The following OR4E2 variants were observed in gnomAD, a reference collection of about 807,000 sequenced individuals.
OR4E2 encodes the protein olfactory receptor family 4 subfamily E member 2, also known as olfactory receptor 4E2.
Under a neutral mutation model 11.0 loss-of-function variants are expected in OR4E2, and 9 were observed. The ratio of observed to expected loss-of-function variants is 0.82; its 90% CI spans 0.49 to 1.43. The LOEUF is 1.43. Ranked by LOEUF, OR4E2 falls within the 40% of genes most tolerant of loss-of-function variation. OR4E2 has a pLI of 0.00. For synonymous variants in OR4E2, 159 were observed against 147.3 expected, an observed-to-expected ratio of 1.08 and a Z score of -0.57; for missense variants, 441 against 382.0, an observed-to-expected ratio of 1.15 and a Z score of -1.29.
chr14:21,665,514 T>G lies in OR4E2; in HGVS notation c.432T>G (p.Leu144=). The change falls in exon 4 of 4, where the codon CTT becomes CTG. Residue 144 remains leucine, a synonymous_variant. Coordinates refer to ENST00000641524, the MANE Select transcript of OR4E2 (RefSeq NM_001001912.3). ...NVMNMRVCIQ[L]VFALWLGGTV... ...TGAACATGAGAGTCTGTATACAGCT[T>G]GTCTTTGCTCTCTGGTTGGGGGGTA... 1 of 1,614,192 alleles carries G rather than the reference T, an allele frequency of 6.2e-7. No homozygotes were observed. The highest frequency in any genetic ancestry group is 1.1e-5 in the South Asian group (1 of 91,080).
At chr14:21,663,294 A>C (rs1194932173) in intron 3 of OR4E2, among the ~76,000 whole-genome samples, 1 of 152,130 alleles carries the variant, frequency 6.6e-6, no homozygotes, top group Non-Finnish European at 1.5e-5. Flanking sequence ...CCTGGCTAAC[A>C]TGGTGAAACC....
chr14:21,655,589 C>T (rs926347895), intron 1 of OR4E2, among the ~76,000 whole-genome samples: 12 of 152,238 alleles, frequency 7.9e-5, no homozygotes, highest in African/African-American at 1.2e-4. Context: ...GGGAGGATTG[C>T]TTGAGTCCAG....
Position 21,665,700 on chromosome 14 carries a change from C to T in OR4E2, c.618C>T (p.Ile206=). The change falls in exon 4 of 4, where the codon ATC becomes ATT. Residue 206 remains isoleucine (I), a synonymous_variant. Transcript: ENST00000641524. ...GILIVTNSGT[I]SLSCFLAVVT... ...TGATTGTGACCAATAGTGGAACCAT[C>T]TCCCTCTCCTGTTTCTTGGCCGTGG... 6.2e-7 allele frequency: 1 copy of T among 1,614,194 alleles called. No homozygotes were observed.
intron 1 of OR4E2, among the ~76,000 whole-genome samples, chr14:21,655,632 C>T (rs1164026620): frequency 6.6e-6 from 1 of 152,060 alleles, no homozygotes; most frequent in Admixed American, 6.6e-5. Flanking sequence ...ATGATTGCAC[C>T]ATTGTATTAC....
Position 21,666,763 on chromosome 14 carries a change from G to A in OR4E2, c.*739G>A, listed in dbSNP as rs1355781091. ...GCTGGAGTGCAGTGGCGCCATCTTA[G>A]CTCACTGCAACTTCCACCTCCAGGT... On this transcript the variant is annotated 3_prime_UTR_variant, in exon 4 of 4. Transcript: ENST00000641524. The A allele has an allele frequency of 6.7e-6, 1 of 148,188 alleles. No homozygotes were observed. Among genetic ancestry groups the A allele is most frequent in the African/African-American group, 2.5e-5 (1 of 40,098 alleles). 9.2% of individuals were successfully genotyped at this position (148,188 alleles called of 1,614,324 possible).
chr14:21,657,457 TTCCTTCCTTCCTTCC>T (rs1365307240), intron 2 of OR4E2, among the ~76,000 whole-genome samples: 1 of 68,380 alleles, frequency 1.5e-5, no homozygotes, highest in African/African-American at 8.0e-5. Context: ...CCTTCCTTCC[TTCCTTCCTTCCTTCC>T]TTCCTTCCTT....
intron 2 of OR4E2, among the ~76,000 whole-genome samples, chr14:21,657,386 C>CTTCCTTCCTTCCTTCT (rs1256255365): frequency 1.3e-4 from 16 of 120,368 alleles, no homozygotes; most frequent in African/African-American, 4.9e-4. Context: ...TCCTTCCTTC[C>CTTCCTTCCTTCCTTCT]TTTCTTTCTT....
In OR4E2 at chr14:21,665,614, T is replaced by G; in HGVS notation, c.532T>G (p.Phe178Val). 1 of 1,614,156 alleles carries G rather than the reference T, an allele frequency of 6.2e-7. No individual in the cohort carries two copies. Among genetic ancestry groups the G allele is most frequent in the Non-Finnish European group, 8.5e-7 (1 of 1,180,016 alleles). ...YCGPNIIDSY[F>V]CDVPLVIKLA... is the part of the protein sequence containing the mutation. ...TGGCCCCAACATTATTGACAGCTAC[T>G]TCTGTGATGTGCCTCTTGTTATCAA... The change falls in exon 4 of 4, where the codon TTC becomes GTC. Residue 178 changes from phenylalanine (F) to valine (V), a missense_variant. Phe to Val is a conservative substitution (Grantham distance 50, BLOSUM62 -1). Coordinates refer to ENST00000641524, the MANE Select transcript of OR4E2 (RefSeq NM_001001912.3).
rs538694101 is a variant in OR4E2 at position 21,666,292 on chromosome 14, A to AAAAGAAT, written c.*270_*276dup. 223 of 350,574 alleles carry AAAAGAAT rather than the reference A, an allele frequency of 6.4e-4. No homozygotes were observed. Among genetic ancestry groups the AAAAGAAT allele is most frequent in the African/African-American group, 4.5e-3 (207 of 45,968 alleles). 21.7% of individuals were successfully genotyped at this position (350,574 alleles called of 1,614,324 possible). A position where few individuals can be genotyped will look rare whatever the true frequency, so the allele number is the denominator to read the frequency against. ...AAAGACAGCTTTTGATTTCATCAGT[A>AAAAGAAT]AAAGAATACAATTTGGGGAACTCAG... On this transcript the variant is annotated 3_prime_UTR_variant, in exon 4 of 4. Transcript: ENST00000641524.
intron 2 of OR4E2, among the ~76,000 whole-genome samples, chr14:21,656,853 C>G (rs766148687): frequency 3.3e-5 from 5 of 152,144 alleles, no homozygotes; most frequent in Non-Finnish European, 5.9e-5. Flanking sequence ...ATACGCACAC[C>G]CTCCAGGATT....
Position 21,657,575 on chromosome 14 carries a change from C to CT in OR4E2, c.-103+986_-103+987insT, listed in dbSNP as rs1566582332. Among the ~76,000 whole-genome samples, 91 of 128,384 alleles carry CT rather than the reference C, an allele frequency of 7.1e-4. 1 individual carries two copies. The South Asian group carries it at 0.011, about 16-fold the overall frequency. 84.2% of individuals were successfully genotyped at this position (128,384 alleles called of 152,430 possible). A position where few individuals can be genotyped will look rare whatever the true frequency, so the allele number is the denominator to read the frequency against. ...TCTGTCTCTCTCTCTCTCTCTCTCT[C>CT]CCCCTTCCCTTCCCTTCCCTTCCTT... On this transcript the variant is annotated intron_variant, in intron 2 of 3. Transcript: ENST00000641524.
rs780578293 is a variant in OR4E2 at position 21,665,144 on chromosome 14, G to A, written c.62G>A (p.Arg21Gln). Residue 21 changes from arginine (R) to glutamine (Q), a missense_variant, in exon 4 of 4, where the codon CGG becomes CAG. Physicochemically the swap from Arg to Gln is conservative, Grantham distance 43. Transcript: ENST00000641524. ...EFVFLGLTDNRVLEMLFFMAF... is the reference protein window; with the variant it reads ...EFVFLGLTDNQVLEMLFFMAF... Reference sequence around the variant, plus strand: ...GTCTTCTTGGGACTCACTGATAACCGGGTGCTGGAAATGCTGTTTTTCATG... The same window carrying A: ...GTCTTCTTGGGACTCACTGATAACCAGGTGCTGGAAATGCTGTTTTTCATG... 1.5e-4 allele frequency: 242 copies of A among 1,613,672 alleles called. No homozygotes were observed. Among genetic ancestry groups the A allele is most frequent in the Non-Finnish European group, 1.8e-4 (214 of 1,179,874 alleles).
chr14:21,665,935 T>C lies in OR4E2; in HGVS notation c.853T>C (p.Phe285Leu). 1 of 1,613,674 alleles carries C rather than the reference T, an allele frequency of 6.2e-7. No homozygotes were observed. Among genetic ancestry groups the C allele is most frequent in the Non-Finnish European group, 8.5e-7 (1 of 1,179,864 alleles). The part of the protein sequence containing the change: ...YTVVTPLLNP[F>L]IYTLRNEEVK... Reference sequence around the variant, plus strand: ...AGTGGTCACCCCTTTGCTGAATCCCTTCATTTACACCTTGAGGAATGAGGA... The same window carrying C: ...AGTGGTCACCCCTTTGCTGAATCCCCTCATTTACACCTTGAGGAATGAGGA... Residue 285 changes from phenylalanine to leucine, a missense_variant, in exon 4 of 4, where the codon TTC becomes CTC. By Grantham distance (22) the Phe-to-Leu change is conservative. Coordinates refer to ENST00000641524, the MANE Select transcript of OR4E2 (RefSeq NM_001001912.3).
At position 21,667,352 on chromosome 14, in the gene OR4E2, C is replaced by T. The variant is rs764307706; in HGVS notation, c.*1328C>T. The T allele has an allele frequency of 3.9e-5, 6 of 151,982 alleles. No homozygotes were observed. Among genetic ancestry groups the T allele is most frequent in the Non-Finnish European group, 8.8e-5 (6 of 68,002 alleles). 9.4% of individuals were successfully genotyped at this position (151,982 alleles called of 1,614,324 possible). On this transcript the variant is annotated 3_prime_UTR_variant, in exon 4 of 4. Transcript: ENST00000641524. The stretch of plus-strand genomic sequence containing the variant: ...GCCATCCACACATTACAGACATACA[C>T]AATACAGAGTGAGTGACCCACTAAC...
chr14:21,657,638 T>A (rs1393829521), intron 2 of OR4E2, among the ~76,000 whole-genome samples: 1 of 150,832 alleles, frequency 6.6e-6, no homozygotes, highest in Non-Finnish European at 1.5e-5. Context: ...TTGCCCAGGC[T>A]GGAGCTCGGT....
chr14:21,659,842 T>C (rs1203661099), intron 2 of OR4E2, among the ~76,000 whole-genome samples: 1 of 152,058 alleles, frequency 6.6e-6, no homozygotes, highest in Non-Finnish European at 1.5e-5. Flanking sequence ...AAGAAAATAA[T>C]AAACAATAGA....
intron 3 of OR4E2, among the ~76,000 whole-genome samples, chr14:21,662,051 A>G (rs1880357038): frequency 6.6e-6 from 1 of 152,130 alleles, no homozygotes; most frequent in African/African-American, 2.4e-5. Flanking sequence ...GACAAAAAGT[A>G]TTTGATTTTC....
Position 21,665,592 on chromosome 14 carries a change from C to A in OR4E2, c.510C>A (p.Gly170=). The A allele has an allele frequency of 6.2e-7, 1 of 1,614,008 alleles. No individual in the cohort carries two copies. Among genetic ancestry groups the A allele is most frequent in the Non-Finnish European group, 8.5e-7 (1 of 1,179,974 alleles). Residue 170 remains glycine (G), a synonymous_variant, in exon 4 of 4, where the codon GGC becomes GGA. Transcript: ENST00000641524. ...TGACTATTCGTCTACCTTACTGTGG[C>A]CCCAACATTATTGACAGCTACTTCT... is the stretch of plus-strand genomic sequence containing the variant. ...TFLTIRLPYC[G]PNIIDSYFCD...
chr14:21,659,414 T>C (rs751064287), intron 2 of OR4E2, among the ~76,000 whole-genome samples: 1 of 152,194 alleles, frequency 6.6e-6, no homozygotes, highest in Non-Finnish European at 1.5e-5. Context: ...GCTCTGTGGA[T>C]AGAAAAATGA....
Sources: gnomAD v4.1 joint callset for allele counts (sites outside exome capture counted in the v4.1 genomes callset) on GRCh38, gnomAD v4.1.1 for gene constraint, MANE v1.5 for transcripts, NCBI Gene and HGNC (gene_info 2026-07-23, HGNC 2026-07-21) for gene names.